The following OAS1 variants were observed in gnomAD, a reference collection of about 807,000 sequenced individuals.
OAS1 encodes the protein 2'-5'-oligoadenylate synthetase 1.
OAS1 carries 24 observed loss-of-function variants against 38.5 expected under a neutral mutation model. The observed-to-expected ratio is 0.62, with a 90% CI of 0.45 to 0.88. The LOEUF is 0.88. Among genes scored for constraint, OAS1 ranks in the 40% least tolerant of loss-of-function variants. The probability of loss-of-function intolerance (pLI) is 0.00; values close to 1 mark genes in which losing one functional copy is unlikely to be tolerated. For synonymous variants in OAS1, 169 were observed against 193.9 expected, an observed-to-expected ratio of 0.87 and a Z score of 1.07; for missense variants, 482 against 493.9, an observed-to-expected ratio of 0.98 and a Z score of 0.23.
At chr12:112,916,802 C>T (rs1046896214) in intron 4 of OAS1, 64 bp downstream of exon 4, 4 of 1,250,144 alleles carry the variant, frequency 3.2e-6, no homozygotes, top group Non-Finnish European at 2.3e-6. Context: ...AGGTACAGTG[C>T]CTTGGAAATG....
At chr12:112,914,730 G>GTTTTTTTTTTTTTTT (rs60578734) in intron 3 of OAS1, among the ~76,000 whole-genome samples, 2 of 118,500 alleles carry the variant, frequency 1.7e-5, no homozygotes, top group African/African-American at 3.0e-5. Flanking sequence ...GTTGGTATTT[G>GTTTTTTTTTTTTTTT]TTTTTTTTTT....
intron 1 of OAS1, chr12:112,907,840 C>T (rs1489089511): frequency 6.6e-6 from 1 of 152,472 alleles, no homozygotes; most frequent in Non-Finnish European, 1.5e-5. Flanking sequence ...AAAGCTGTCT[C>T]CACTGTGGAG....
intron 3 of OAS1, among the ~76,000 whole-genome samples, chr12:112,913,892 C>T (rs2043418465): frequency 6.6e-6 from 1 of 152,180 alleles, no homozygotes; most frequent in African/African-American, 2.4e-5. Context: ...CCTCTCCTTT[C>T]CTGTCCTCAT....
chr12:112,913,940 T>A (rs909643422), intron 3 of OAS1, among the ~76,000 whole-genome samples: 1 of 152,190 alleles, frequency 6.6e-6, no homozygotes, highest in Non-Finnish European at 1.5e-5. Context: ...TATTTTTTTT[T>A]ATTTTTAATT....
intron 3 of OAS1, among the ~76,000 whole-genome samples, chr12:112,915,434 T>A (rs147622532): frequency 1.3e-5 from 2 of 152,330 alleles, no homozygotes; most frequent in East Asian, 3.9e-4. Flanking sequence ...GCTGTAAGTG[T>A]TTGGCTTTAT....
chr12:112,920,187 G>A (rs934735878), downstream of OAS1, among the ~76,000 whole-genome samples: 2 of 152,116 alleles, frequency 1.3e-5, no homozygotes, highest in African/African-American at 4.8e-5. Flanking sequence ...ATGTTAGATG[G>A]TTTTCCTATT....
downstream of OAS1, among the ~76,000 whole-genome samples, chr12:112,922,347 GT>G (rs1249477953): frequency 6.6e-6 from 1 of 152,076 alleles, no homozygotes; most frequent in Admixed American, 6.5e-5. Flanking sequence ...TAACCCCCTG[GT>G]CGTCCGGCCT....
At chr12:112,919,328 A>C (rs1438815056) in intron 5 of OAS1, 61 bp from the exon 6 acceptor site, 1 of 1,468,658 alleles carries the variant, frequency 6.8e-7, no homozygotes, top group Admixed American at 1.8e-5. Context: ...GTAAATGCTC[A>C]CTGAATCCAG....
intron 3 of OAS1, among the ~76,000 whole-genome samples, chr12:112,915,587 G>C (rs1044205689): frequency 2.0e-5 from 3 of 152,122 alleles, no homozygotes; most frequent in African/African-American, 4.8e-5. Context: ...ACTTAGTCTT[G>C]CTTTGGCTAT....
downstream of OAS1, among the ~76,000 whole-genome samples, chr12:112,920,794 T>C (rs2136329075): frequency 6.6e-6 from 1 of 152,308 alleles, no homozygotes; most frequent in South Asian, 2.1e-4. Flanking sequence ...TCCGTCCAGA[T>C]TATATTCTTC....
Position 112,919,418 on chromosome 12 carries a change from C to T in OAS1, c.1068C>T (p.Thr356=), listed in dbSNP as rs376225547. ...AAAGCAACAGTGCAGACGATGAGAC[C>T]GACGATCCCAGGAGGTATCAGAAAT... The part of the protein sequence containing the change: ...LAESNSADDE[T]DDPRRYQKYG... Residue 356 remains threonine (T), a synonymous_variant, in exon 6 of 6, where the codon ACC becomes ACT. Coordinates refer to ENST00000202917, the MANE Select transcript of OAS1 (RefSeq NM_016816.4). The T allele has an allele frequency of 2.7e-5, 43 of 1,613,776 alleles. No individual in the cohort carries two copies. The highest frequency in any genetic ancestry group is 3.2e-5 in the Non-Finnish European group (38 of 1,179,876).
chr12:112,930,757 A>G (rs2043592144), intron 6 of OAS1, among the ~76,000 whole-genome samples: 1 of 152,258 alleles, frequency 6.6e-6, no homozygotes, highest in South Asian at 2.1e-4. Context: ...TAATAGCAAC[A>G]GGCTGCTGAT....
intron 3 of OAS1, among the ~76,000 whole-genome samples, chr12:112,915,260 T>C (rs959987965): frequency 6.6e-6 from 1 of 152,218 alleles, no homozygotes; most frequent in African/African-American, 2.4e-5. Context: ...AGGTCTTAGA[T>C]TTAAGTATTT....
chr12:112,908,270 G>A (rs2043322735), intron 1 of OAS1, among the ~76,000 whole-genome samples: 1 of 152,158 alleles, frequency 6.6e-6, no homozygotes, highest in Non-Finnish European at 1.5e-5. Flanking sequence ...AGGCCCCCAG[G>A]TTTGAATTGT....
rs533763788 is a variant in OAS1, at chr12:112,926,174, G to A, written c.1168-5704G>A. Among the ~76,000 whole-genome samples the A allele has an allele frequency of 9.2e-5, 14 of 152,214 alleles. 1 individual carries two copies. The South Asian group carries it at 2.9e-3, about 32-fold the overall frequency. On this transcript the variant is annotated intron_variant, in intron 6 of 6. Coordinates refer to the OAS1 transcript ENST00000540589. ...TGGCAGGAGCCTGTGGGGGGTAATG[G>A]CCAGGTCTCACTATTGTGCCCAGGC...
chr12:112,908,782 GA>G lies in OAS1; in HGVS notation c.428del (p.Glu143GlyfsTer17), dbSNP rs756540454. 7 of 1,608,864 alleles carry G rather than the reference GA, an allele frequency of 4.4e-6. No individual in the cohort carries two copies. In the South Asian group the frequency reaches 6.6e-5, roughly 15 times the overall value. On this transcript the variant is annotated frameshift_variant, in exon 2 of 6. Transcript: ENST00000202917. LOFTEE classifies it high-confidence loss of function. ...SFVLSSLQLG[E>X]GVEFDVLPAF... ...CGTACTGAGTTCGCTCCAGCTCGGGGAGGGGGTGGAGTTCGATGTGCTGCCT... is the reference window on the plus strand; with the variant it reads ...CGTACTGAGTTCGCTCCAGCTCGGGGGGGGGTGGAGTTCGATGTGCTGCCT...
At position 112,917,547 on chromosome 12, in the gene OAS1, G is replaced by T. The variant is rs767926883; in HGVS notation, c.885G>T (p.Arg295Ser). Residue 295 changes from arginine (R) to serine (S), a missense_variant and splice_region_variant, in exon 5 of 6, where the codon AGG becomes AGT. Coordinates refer to ENST00000202917, the MANE Select transcript of OAS1 (RefSeq NM_016816.4). ...KYLRRQLTKP[R>S]PVILDPADPT... ...TCCCTCTCTAAATGCTGCTCTGCAG[G>T]CCTGTGATCCTGGACCCGGCGGACC... 6.2e-7 allele frequency: 1 copy of T among 1,614,072 alleles called. No individual in the cohort carries two copies. Among genetic ancestry groups the T allele is most frequent in the Non-Finnish European group, 8.5e-7 (1 of 1,180,034 alleles).
chr12:112,919,346 G>A (rs1399512650), intron 5 of OAS1, 43 bp from the exon 6 acceptor site: 6 of 1,545,680 alleles, frequency 3.9e-6, no homozygotes, highest in African/African-American at 1.4e-5. Context: ...CAGCTGCAAT[G>A]CAGGAAGACT....
intron 6 of OAS1, among the ~76,000 whole-genome samples, chr12:112,927,964 G>A (rs1446193699): frequency 6.6e-6 from 1 of 152,214 alleles, no homozygotes; most frequent in African/African-American, 2.4e-5. Context: ...CATGCCTGAA[G>A]GGACAGCCTC....
Sources: allele counts gnomAD v4.1 joint callset (sites outside exome capture counted in the v4.1 genomes callset), GRCh38; gene constraint gnomAD v4.1.1; transcripts MANE v1.5; gene names NCBI Gene and HGNC (gene_info 2026-07-23, HGNC 2026-07-21).